The following RWDD1 variants were observed in gnomAD, a reference collection of about 807,000 sequenced individuals.
RWDD1 encodes RWD domain containing 1, also known as RWD domain-containing protein 1.
RWDD1 carries 17 observed loss-of-function variants against 31.6 expected under a neutral mutation model. That is an observed-to-expected ratio of 0.54 (90% CI 0.37 to 0.81). The LOEUF (loss-of-function observed/expected upper bound fraction) is 0.81. RWDD1 is among the 30% of genes least tolerant of loss of function. The pLI, the probability that RWDD1 is intolerant of heterozygous loss-of-function variation, is 0.00. For synonymous variants in RWDD1, 78 were observed against 94.2 expected (o/e 0.83, Z 0.99); for missense variants, 204 against 274.5 (o/e 0.74, Z 1.82).
At chr6:116,582,024 G>A (rs1774955878) in intron 2 of RWDD1, among the ~76,000 whole-genome samples, 1 of 151,788 alleles carries the variant, frequency 6.6e-6, no homozygotes. Flanking sequence ...ATATGAATAT[G>A]TACATTTTAA....
In RWDD1 at chr6:116,591,902, G is replaced by A. The variant is rs1056546015; in HGVS notation, c.610+952G>A. 5.3e-5 allele frequency among the ~76,000 whole-genome samples: 8 copies of A among 152,350 alleles called. No homozygotes were observed. The East Asian group carries it at 1.3e-3, about 26-fold the overall frequency. On this transcript the variant is annotated intron_variant, in intron 6 of 6. Coordinates refer to ENST00000466444, the MANE Select transcript of RWDD1 (RefSeq NM_015952.4). Reference sequence around the variant, plus strand: ...GCTAAATGCTTTCTAATCTAAGCTAGGCCTTTACTGATAGGCAACATTTTA... The same window carrying A: ...GCTAAATGCTTTCTAATCTAAGCTAAGCCTTTACTGATAGGCAACATTTTA...
Position 116,597,288 on chromosome 6 carries a change from A to G in RWDD1, c.*4187A>G, listed in dbSNP as rs1775253867. On this transcript the variant is annotated 3_prime_UTR_variant, in exon 7 of 7. Transcript: ENST00000466444. The stretch of plus-strand genomic sequence containing the variant: ...CAAAGCTTTTTAATTTCCTTACATA[A>G]TTAACATGATGAATTTTTAAATAAT... 1 of 152,230 alleles carries G rather than the reference A, an allele frequency of 6.6e-6. No individual in the cohort carries two copies. 9.4% of individuals were successfully genotyped at this position (152,230 alleles called of 1,614,324 possible). A position where few individuals can be genotyped will look rare whatever the true frequency, so the allele number is the denominator to read the frequency against.
chr6:116,592,841 C>T (rs1365976696), intron 6 of RWDD1, 139 bp from the exon 7 acceptor site: 1 of 825,378 alleles, frequency 1.2e-6, no homozygotes, highest in Non-Finnish European at 1.8e-6. Flanking sequence ...CTGTTGATAA[C>T]TGTAGTTTGG....
Position 116,591,011 on chromosome 6 carries a change from A to G in RWDD1, c.610+61A>G, listed in dbSNP as rs376001863. Reference sequence around the variant, plus strand: ...CACAGTAGCTCAAACCTGTAATCCCAGCATTTTGGAAAGCCAAGGCAGGAG... The same window carrying G: ...CACAGTAGCTCAAACCTGTAATCCCGGCATTTTGGAAAGCCAAGGCAGGAG... On this transcript the variant is annotated intron_variant, in intron 6 of 6. Transcript: ENST00000466444. The G allele has an allele frequency of 5.8e-5, 87 of 1,496,438 alleles. No individual in the cohort carries two copies. The African/African-American group carries it at 1.1e-3, about 19-fold the overall frequency. The allele number at this position is 1,496,438 out of a possible 1,614,324, so 92.7% of individuals were successfully genotyped here.
intron 2 of RWDD1, among the ~76,000 whole-genome samples, chr6:116,580,631 AGGAAACTT>A (rs1162547332): frequency 6.6e-6 from 1 of 152,138 alleles, no homozygotes; most frequent in Admixed American, 6.5e-5. Flanking sequence ...GAAAAAAGGT[AGGAAACTT>A]TTGTTTTGTT....
At chr6:116,586,521 T>C (rs1036620762) in intron 3 of RWDD1, among the ~76,000 whole-genome samples, 2 of 152,198 alleles carry the variant, frequency 1.3e-5, no homozygotes, top group African/African-American at 4.8e-5. Flanking sequence ...ATTGTATGTA[T>C]ATATAATTAC....
rs1775186371 is a variant in RWDD1, at chr6:116,593,524, T to G, written c.*423T>G. 6.5e-6 allele frequency: 1 copy of G among 153,062 alleles called. No individual in the cohort carries two copies. Among genetic ancestry groups the G allele is most frequent in the Non-Finnish European group, 1.5e-5 (1 of 68,686 alleles). The allele number at this position is 153,062 out of a possible 1,614,324, so 9.5% of individuals were successfully genotyped here. On this transcript the variant is annotated 3_prime_UTR_variant, in exon 7 of 7. Transcript: ENST00000466444. The stretch of plus-strand genomic sequence containing the variant: ...ACATTAAACCATCCAGATTCTAGCC[T>G]CCAGGCACACTAAATTTAAGTCTTG...
intron 6 of RWDD1, among the ~76,000 whole-genome samples, chr6:116,592,559 T>C (rs903493918): frequency 1.3e-5 from 2 of 152,286 alleles, no homozygotes; most frequent in African/African-American, 4.8e-5. Context: ...AGAATGAAGA[T>C]CAAATCAAAT....
chr6:116,572,441 C>T (rs1445877929), intron 1 of RWDD1: 1 of 152,198 alleles, frequency 6.6e-6, no homozygotes, highest in Non-Finnish European at 1.5e-5. Flanking sequence ...ACTTGGGATT[C>T]AGCTCCAGCT....
chr6:116,580,521 A>C (rs572949133), intron 2 of RWDD1, among the ~76,000 whole-genome samples, 161 bp downstream of exon 2: 1 of 152,210 alleles, frequency 6.6e-6, no homozygotes. Flanking sequence ...CTGTGTGAAC[A>C]TGACTTCTAG....
At chr6:116,584,686 C>T (rs745365193) in intron 2 of RWDD1, 41 bp from the exon 3 acceptor site, 1 of 1,573,738 alleles carries the variant, frequency 6.4e-7, no homozygotes, top group Non-Finnish European at 8.7e-7. Flanking sequence ...TACCTCTTTA[C>T]TTTTAAGGTA....
chr6:116,593,015 C>G lies in RWDD1; in HGVS notation c.646C>G (p.Gln216Glu). 6.2e-7 allele frequency: 1 copy of G among 1,612,868 alleles called. No individual in the cohort carries two copies. The highest frequency in any genetic ancestry group is 8.5e-7 in the Non-Finnish European group (1 of 1,179,810). ...NNVEVDESLF[Q>E]EMDDLELEDD... Reference sequence around the variant, plus strand: ...CGTGGAGGTAGATGAGTCTTTGTTCCAAGAAATGGATGACTTGGAGCTGGA... The same window carrying G: ...CGTGGAGGTAGATGAGTCTTTGTTCGAAGAAATGGATGACTTGGAGCTGGA... The change falls in exon 7 of 7, where the codon CAA (glutamine) becomes GAA (glutamate). Residue 216 changes from glutamine (Q) to glutamate (E), a missense_variant. Physicochemically the swap from Gln to Glu is conservative, Grantham distance 29. Coordinates refer to ENST00000466444, the MANE Select transcript of RWDD1 (RefSeq NM_015952.4).
intron 3 of RWDD1, among the ~76,000 whole-genome samples, chr6:116,585,813 G>C (rs1203860498): frequency 2.0e-5 from 3 of 150,420 alleles, no homozygotes; most frequent in African/African-American, 7.3e-5. Context: ...TATTTTTTTT[G>C]AGACAGAGTC....
chr6:116,575,223 A>T (rs1774817800), intron 1 of RWDD1, among the ~76,000 whole-genome samples: 2 of 151,364 alleles, frequency 1.3e-5, no homozygotes, highest in South Asian at 2.1e-4. Context: ...AGTAGTTGGG[A>T]TTACAGGGTG....
At chr6:116,584,125 C>G (rs775163571) in intron 2 of RWDD1, among the ~76,000 whole-genome samples, 8 of 152,190 alleles carry the variant, frequency 5.3e-5, no homozygotes, top group Non-Finnish European at 1.0e-4. Flanking sequence ...TGCACTGACA[C>G]GCCCATAAGA....
At chr6:116,583,728 C>G (rs1231198824) in intron 2 of RWDD1, among the ~76,000 whole-genome samples, 3 of 151,896 alleles carry the variant, frequency 2.0e-5, no homozygotes, top group Non-Finnish European at 4.4e-5. Flanking sequence ...TCTTGTTCCA[C>G]CAATAAAACT....
Position 116,597,024 on chromosome 6 carries a change from G to A in RWDD1, c.*3923G>A, listed in dbSNP as rs1775249280. On this transcript the variant is annotated 3_prime_UTR_variant, in exon 7 of 7. Transcript: ENST00000466444. ...TCCCAACATGAGTGCTGCTGTCCAC[G>A]GTACTGAACCATCAATGCTAAATGG... 1 of 152,096 alleles carries A rather than the reference G, an allele frequency of 6.6e-6. No homozygotes were observed. Among genetic ancestry groups the A allele is most frequent in the Non-Finnish European group, 1.5e-5 (1 of 68,016 alleles). The allele number at this position is 152,096 out of a possible 1,614,324, so 9.4% of individuals were successfully genotyped here.
rs1299773526 is a variant in RWDD1 at position 116,594,604 on chromosome 6, T to G, written c.*1503T>G. ...AACCAGTCTGAAGGAGTTTGAATTT[T>G]GGGGATCGTACATTGTCTGCAAGAG... On this transcript the variant is annotated 3_prime_UTR_variant, in exon 7 of 7. Coordinates refer to ENST00000466444, the MANE Select transcript of RWDD1 (RefSeq NM_015952.4). 1 of 152,230 alleles carries G rather than the reference T, an allele frequency of 6.6e-6. No individual in the cohort carries two copies. Among genetic ancestry groups the G allele is most frequent in the Non-Finnish European group, 1.5e-5 (1 of 68,044 alleles). The allele number at this position is 152,230 out of a possible 1,614,324, so 9.4% of individuals were successfully genotyped here.
Position 116,595,619 on chromosome 6 carries a change from G to GATATGTTT in RWDD1, c.*2521_*2528dup, listed in dbSNP as rs1330312129. 6.6e-6 allele frequency: 1 copy of GATATGTTT among 152,044 alleles called. No homozygotes were observed. Among genetic ancestry groups the GATATGTTT allele is most frequent in the East Asian group, 1.9e-4 (1 of 5,190 alleles). The allele number at this position is 152,044 out of a possible 1,614,324, so 9.4% of individuals were successfully genotyped here. On this transcript the variant is annotated 3_prime_UTR_variant, in exon 7 of 7. Coordinates refer to ENST00000466444, the MANE Select transcript of RWDD1 (RefSeq NM_015952.4). ...TGTCACTAGGTTAAAAACAAACACAGATATGTTTATTCATTACTGTATCCC... is the reference window on the plus strand; with the variant it reads ...TGTCACTAGGTTAAAAACAAACACAGATATGTTTATATGTTTATTCATTACTGTATCCC...
Sources: gnomAD v4.1 joint callset for allele counts (sites outside exome capture counted in the v4.1 genomes callset) on GRCh38, gnomAD v4.1.1 for gene constraint, MANE v1.5 for transcripts, NCBI Gene and HGNC (gene_info 2026-07-23, HGNC 2026-07-21) for gene names.